Variants in FAM187A observed in about 807,000 individuals in gnomAD.
FAM187A encodes family with sequence similarity 187 member A.
Under a neutral mutation model 6.4 loss-of-function variants are expected in FAM187A, and 4 were observed. The observed-to-expected ratio is 0.63, with a 90% confidence interval of 0.31 to 1.44. The LOEUF (loss-of-function observed/expected upper bound fraction) is 1.44. Ranked by LOEUF, FAM187A falls within the 40% of genes most tolerant of loss-of-function variation. FAM187A has a pLI of 0.07. For synonymous variants in FAM187A, 221 were observed against 213.4 expected (o/e 1.04, Z -0.31); for missense variants, 463 against 542.2 (o/e 0.85, Z 1.45).
Position 44,904,945 on chromosome 17 carries a change from T to C in FAM187A, c.1116T>C (p.Pro372=), listed in dbSNP as rs1407164976. 4 of 1,550,586 alleles carry C rather than the reference T, an allele frequency of 2.6e-6. No homozygotes were observed. The East Asian group carries it at 7.3e-5, about 28-fold the overall frequency. Residue 372 remains proline (P), a synonymous_variant, in exon 4 of 4, where the codon CCT becomes CCC. Coordinates refer to ENST00000331733, the Ensembl canonical transcript of FAM187A. ...ACTACCCAGCCTCGTTCTCAGATCC[T>C]GAGACTCGCTCGGCTGTGGAGCTCA...
At chr17:44,904,726 C>G (rs1452814424) in exon 4 of FAM187A, 1 of 1,550,588 alleles carries the variant, frequency 6.4e-7, no homozygotes, top group Admixed American at 2.0e-5. Context: ...ATGCAGTGGC[C>G]TGGGACAAAG....
In FAM187A at chr17:44,904,765, C is replaced by A; in HGVS notation, c.936C>A (p.Tyr312Ter). 1.3e-6 allele frequency: 2 copies of A among 1,550,642 alleles called. No individual in the cohort carries two copies. The highest frequency in any genetic ancestry group is 1.4e-5 in the African/African-American group (1 of 73,162). The change falls in exon 4 of 4, where the codon TAC (tyrosine) becomes TAA (stop). Residue 312 changes from tyrosine (Y) to a stop codon, truncating the protein, a stop_gained. Transcript: ENST00000331733. LOFTEE classifies it low-confidence loss of function (END_TRUNC). ...GCCAGCACCTCTACCGCACACAGTACCTGAAGGGTGTCAACAGGTCCATGA... is the reference window on the plus strand; with the variant it reads ...GCCAGCACCTCTACCGCACACAGTAACTGAAGGGTGTCAACAGGTCCATGA...
chr17:44,904,379 C>T (rs1490145909), exon 4 of FAM187A: 20 of 1,542,468 alleles, frequency 1.3e-5, no homozygotes, highest in South Asian at 3.6e-5. Flanking sequence ...CTGCGGAGTG[C>T]GTGGGGAGCA....
chr17:44,904,478 A>C, exon 4 of FAM187A: 1 of 1,547,348 alleles, frequency 6.5e-7, no homozygotes. Flanking sequence ...TTGTGGCTCA[A>C]GGGCTGTGCC....
At chr17:44,905,016 A>G in exon 4 of FAM187A, 3 of 1,550,132 alleles carry the variant, frequency 1.9e-6, no homozygotes, top group Non-Finnish European at 2.6e-6. Flanking sequence ...GTCACCATTC[A>G]CTTCTGTCGT....
chr17:44,904,873 G>C (rs904549643), exon 4 of FAM187A: 6 of 1,550,552 alleles, frequency 3.9e-6, no homozygotes, highest in Non-Finnish European at 5.2e-6. Flanking sequence ...GCTGGAGGCA[G>C]GGTGTGCTAG....
rs1567766674 is a variant in FAM187A at position 44,903,955 on chromosome 17, C to CT, written c.127dup (p.Tyr43LeufsTer8). 5 of 1,550,606 alleles carry CT rather than the reference C, an allele frequency of 3.2e-6. No individual in the cohort carries two copies. In the South Asian group the frequency reaches 5.9e-5, roughly 18 times the overall value. ...CTTTCCTGATGTTTGAAAATGCAGC[C>CT]TACCTGGCCGACATGAGCTTTGAGC... On this transcript the variant is annotated frameshift_variant, in exon 4 of 4. Transcript: ENST00000331733. LOFTEE classifies it high-confidence loss of function.
exon 4 of FAM187A, chr17:44,903,623 T>A (rs2051600269): frequency 7.0e-7 from 1 of 1,429,864 alleles, no homozygotes; most frequent in Admixed American, 2.9e-5. Context: ...AGATCAGGTC[T>A]GGAATGTTAG....
At chr17:44,904,341 C>A in exon 4 of FAM187A, 1 of 1,542,096 alleles carries the variant, frequency 6.5e-7, no homozygotes, top group South Asian at 1.2e-5. Context: ...GTCTTCACCA[C>A]CTTCTGGGAA....
chr17:44,904,180 T>C, exon 4 of FAM187A: 4 of 1,550,540 alleles, frequency 2.6e-6, no homozygotes, highest in East Asian at 2.4e-5. Context: ...GGGCTCAGTC[T>C]GAGGACTCAG....
chr17:44,904,749 T>C (rs1334745547), exon 4 of FAM187A: 1 of 1,550,558 alleles, frequency 6.4e-7, no homozygotes. Flanking sequence ...CGCCAGCACC[T>C]CTACCGCACA....
At chr17:44,903,466 G>A (rs2051596251) in exon 4 of FAM187A, 2 of 1,267,362 alleles carry the variant, frequency 1.6e-6, no homozygotes, top group Admixed American at 3.7e-5. Context: ...GCAGGGCCTG[G>A]AGCACTGAGG....
At chr17:44,903,518 T>C in exon 4 of FAM187A, 1 of 1,285,904 alleles carries the variant, frequency 7.8e-7, no homozygotes, top group Non-Finnish European at 9.8e-7. Flanking sequence ...GCCCTTCTCA[T>C]TCCGGTTTCC....
chr17:44,904,489 A>G (rs1434467671), exon 4 of FAM187A: 3 of 1,548,392 alleles, frequency 1.9e-6, no homozygotes, highest in Non-Finnish European at 2.6e-6. Context: ...GGGCTGTGCC[A>G]AGGAAGCTGC....
exon 4 of FAM187A, chr17:44,903,798 C>T (rs755664828): frequency 1.1e-5 from 17 of 1,529,136 alleles, no homozygotes; most frequent in Admixed American, 8.2e-5. Context: ...CCTGGTTTTG[C>T]CCTGCCCCTC....
exon 4 of FAM187A, chr17:44,903,557 G>A: frequency 7.3e-7 from 1 of 1,377,096 alleles, no homozygotes; most frequent in Non-Finnish European, 9.3e-7. Context: ...GAGCGCCAGT[G>A]TTCTAGAAAG....
chr17:44,905,177 G>A (rs2051636287), exon 4 of FAM187A: 1 of 864,468 alleles, frequency 1.2e-6, no homozygotes, highest in East Asian at 2.7e-5. Context: ...GTAGGAACAT[G>A]TGGACAAATC....
exon 4 of FAM187A, chr17:44,904,121 G>A (rs977255814): frequency 6.7e-5 from 104 of 1,550,410 alleles, no homozygotes; most frequent in Non-Finnish European, 8.6e-5. Flanking sequence ...TGTGGGCAGC[G>A]ACATGCTGAC....
exon 4 of FAM187A, chr17:44,904,459 TGTG>T (rs2051618630): frequency 1.7e-5 from 26 of 1,544,050 alleles, no homozygotes; most frequent in Non-Finnish European, 2.0e-5. Flanking sequence ...CCGTGCCCGA[TGTG>T]GTGTCTTGTG....
Sources: gnomAD v4.1 joint callset for allele counts on GRCh38, gnomAD v4.1.1 for gene constraint, MANE v1.5 for transcripts, NCBI Gene and HGNC (gene_info 2026-07-23, HGNC 2026-07-21) for gene names.